The following RNF150 variants were observed in gnomAD, a reference collection of about 807,000 sequenced individuals.
RNF150 encodes ring finger protein 150.
RNF150 carries 24 observed loss-of-function variants against 39.3 expected under a neutral mutation model. The observed-to-expected ratio is 0.61, with a 90% CI of 0.44 to 0.86. The LOEUF is 0.86. Ranked by LOEUF, RNF150 falls within the 40% of genes least tolerant of loss-of-function variation. The pLI, the probability that RNF150 is intolerant of heterozygous loss-of-function variation, is 0.00. For synonymous variants in RNF150, 255 were observed against 227.3 expected (o/e 1.12, Z -1.10); for missense variants, 502 against 587.8 (o/e 0.85, Z 1.51).
At chr4:141,137,258 G>A (rs935379557), upstream of RNF150, among the ~76,000 whole-genome samples, 1 of 152,218 alleles carries the variant, frequency 6.6e-6, no homozygotes. Flanking sequence ...GAGTGAGGAA[G>A]TATATGTGGT....
At position 141,176,182 on chromosome 4, in the gene RNF150, G is replaced by C. The variant is rs544557125; in HGVS notation, c.-6+36612C>G. On this transcript the variant is annotated intron_variant, in intron 1 of 7. Coordinates refer to the RNF150 transcript ENST00000420921. The stretch of plus-strand genomic sequence containing the variant: ...CAAAGTGCTGGGATTACAGGCATGA[G>C]CCACCACACCCAGGCTCTTGTGATT... 7.9e-5 allele frequency among the ~76,000 whole-genome samples: 12 copies of C among 152,060 alleles called. No homozygotes were observed. In the South Asian group the frequency reaches 2.1e-3, roughly 26 times the overall value.
At chr4:141,052,786 G>A (rs563190171) in intron 1 of RNF150, among the ~76,000 whole-genome samples, 193 of 152,228 alleles carry the variant, frequency 1.3e-3, no homozygotes, top group African/African-American at 4.5e-3. Context: ...ATTCTACTCA[G>A]CTCTAGCATA....
intron 1 of RNF150, chr4:141,053,603 A>T: frequency 1.4e-6 from 1 of 736,544 alleles, no homozygotes; most frequent in Non-Finnish European, 1.9e-6. Context: ...TTAGAAAGTT[A>T]AGGAAGATAT....
At chr4:141,196,403 A>G (rs1409753581) in intron 1 of RNF150, among the ~76,000 whole-genome samples, 18 of 152,134 alleles carry the variant, frequency 1.2e-4, no homozygotes, top group Admixed American at 1.2e-3. Flanking sequence ...GGGATGATGC[A>G]AATACCAAGC....
At chr4:141,139,140 A>G (rs1727074917) in intron 1 of RNF150, among the ~76,000 whole-genome samples, 1 of 152,194 alleles carries the variant, frequency 6.6e-6, no homozygotes. Flanking sequence ...ACTTGAGCAC[A>G]GGAGTTCGAG....
At chr4:140,971,206 A>G (rs753294382) in intron 1 of RNF150, among the ~76,000 whole-genome samples, 43 of 152,084 alleles carry the variant, frequency 2.8e-4, no homozygotes, top group Non-Finnish European at 5.7e-4. Flanking sequence ...GGGAGAAGCC[A>G]GCAGGTTCTC....
rs1231795092 is a variant in RNF150 at position 141,020,392 on chromosome 4, C to T, written c.485-52519G>A. On this transcript the variant is annotated intron_variant, in intron 1 of 6. Transcript: ENST00000515673. The stretch of plus-strand genomic sequence containing the variant: ...GGTAAGGTAAAGGTGGTATAACCTG[C>T]ACAAGAGCACCAGGCTGAGGGGAAA... 2.0e-5 allele frequency among the ~76,000 whole-genome samples: 3 copies of T among 152,230 alleles called. No individual in the cohort carries two copies. The East Asian group carries it at 5.8e-4, about 29-fold the overall frequency.
At chr4:140,876,763 T>G (rs1729170958) in intron 6 of RNF150, among the ~76,000 whole-genome samples, 1 of 152,238 alleles carries the variant, frequency 6.6e-6, no homozygotes, top group Non-Finnish European at 1.5e-5. Flanking sequence ...GCAGAGCTAC[T>G]AGAGTTCTAT....
chr4:140,932,263 G>A (rs141550615), intron 4 of RNF150, among the ~76,000 whole-genome samples: 2,042 of 152,322 alleles, frequency 0.013, 61 homozygotes, highest in African/African-American at 0.047. Flanking sequence ...TGTCAATAAA[G>A]AGTGAATTTT....
chr4:141,075,128 G>C (rs1293069910), intron 1 of RNF150, among the ~76,000 whole-genome samples: 3 of 152,230 alleles, frequency 2.0e-5, no homozygotes, highest in African/African-American at 7.2e-5. Context: ...GCCGGTTTCA[G>C]AGCTGACTCT....
intron 4 of RNF150, among the ~76,000 whole-genome samples, chr4:140,929,928 C>A (rs915294541): frequency 6.6e-6 from 1 of 152,092 alleles, no homozygotes; most frequent in Non-Finnish European, 1.5e-5. Context: ...CCAAGGCAGG[C>A]GGCAGGCAAA....
At chr4:141,026,230 C>T (rs973740775) in intron 1 of RNF150, among the ~76,000 whole-genome samples, 5 of 151,954 alleles carry the variant, frequency 3.3e-5, no homozygotes, top group Admixed American at 3.3e-4. Context: ...AGCTACTGTA[C>T]AAGACACAGG....
At chr4:141,054,470 A>T (rs1254417335) in intron 1 of RNF150, among the ~76,000 whole-genome samples, 2 of 152,148 alleles carry the variant, frequency 1.3e-5, no homozygotes, top group Non-Finnish European at 2.9e-5. Flanking sequence ...TAATGCTATT[A>T]TAAGAAAATT....
chr4:141,181,273 G>A (rs1021487557), intron 1 of RNF150, among the ~76,000 whole-genome samples: 1 of 152,146 alleles, frequency 6.6e-6, no homozygotes, highest in African/African-American at 2.4e-5. Flanking sequence ...GATGTTCTTG[G>A]TAATGGTTGG....
chr4:140,920,010 T>C (rs1372955963), intron 5 of RNF150, among the ~76,000 whole-genome samples: 2 of 152,136 alleles, frequency 1.3e-5, no homozygotes, highest in African/African-American at 4.8e-5. Context: ...CTGGATCCCT[T>C]CCTTACGTCG....
At chr4:141,061,352 G>A (rs993402023) in intron 1 of RNF150, among the ~76,000 whole-genome samples, 1 of 151,984 alleles carries the variant, frequency 6.6e-6, no homozygotes, top group East Asian at 1.9e-4. Context: ...TTCACACATT[G>A]GAGATAAATA....
At chr4:141,106,804 A>AAT (rs1303082849) in intron 1 of RNF150, among the ~76,000 whole-genome samples, 5 of 151,916 alleles carry the variant, frequency 3.3e-5, no homozygotes, top group East Asian at 3.9e-4. Context: ...CAAAAAAAAT[A>AAT]ATATATATAT....
chr4:141,193,091 T>G (rs1359582760), intron 1 of RNF150, among the ~76,000 whole-genome samples: 1 of 152,240 alleles, frequency 6.6e-6, no homozygotes, highest in Non-Finnish European at 1.5e-5. Flanking sequence ...GCACTTATCT[T>G]TATCTAATAT....
At chr4:140,967,459 G>C (rs1373258555) in intron 2 of RNF150, among the ~76,000 whole-genome samples, 164 bp downstream of exon 2, 1 of 152,004 alleles carries the variant, frequency 6.6e-6, no homozygotes, top group Non-Finnish European at 1.5e-5. Context: ...CATCAAAATA[G>C]ATATATTTGG....
Sources: allele counts gnomAD v4.1 joint callset (sites outside exome capture counted in the v4.1 genomes callset), GRCh38; gene constraint gnomAD v4.1.1; transcripts MANE v1.5; gene names NCBI Gene and HGNC (gene_info 2026-07-23, HGNC 2026-07-21).